Variants in AGBL4 observed in about 807,000 individuals in gnomAD.
AGBL4 encodes AGBL carboxypeptidase 4.
In AGBL4, 58 loss-of-function variants were observed where a neutral mutation model predicts 66.4. The observed-to-expected ratio is 0.87, with a 90% CI of 0.71 to 1.09. AGBL4 has a LOEUF of 1.09. AGBL4 is among the 50% of genes least tolerant of loss of function. The probability of loss-of-function intolerance (pLI) is 0.00; values close to 1 mark genes in which losing one functional copy is unlikely to be tolerated. For synonymous variants in AGBL4, 234 were observed against 222.9 expected (o/e 1.05, Z -0.44); for missense variants, 579 against 631.0 (o/e 0.92, Z 0.88).
At chr1:49,637,569 A>G (rs1449494835) in intron 3 of AGBL4, among the ~76,000 whole-genome samples, 1 of 152,100 alleles carries the variant, frequency 6.6e-6, no homozygotes, top group East Asian at 1.9e-4. Context: ...TCCCAAAGTG[A>G]TAGGATTACA....
At chr1:49,310,823 A>T (rs138087768) in intron 3 of AGBL4, among the ~76,000 whole-genome samples, 118 of 152,164 alleles carry the variant, frequency 7.8e-4, no homozygotes, top group African/African-American at 2.8e-3. Context: ...AAACTCAAAA[A>T]AGTACGTCTG....
chr1:48,882,739 T>C (rs1030425770), intron 5 of AGBL4, among the ~76,000 whole-genome samples: 2 of 152,144 alleles, frequency 1.3e-5, no homozygotes, highest in Non-Finnish European at 2.9e-5. Context: ...TAACTGAAAA[T>C]TTGTACCCTA....
chr1:49,537,333 A>C (rs981684302), intron 3 of AGBL4, among the ~76,000 whole-genome samples: 4 of 152,326 alleles, frequency 2.6e-5, no homozygotes, highest in Admixed American at 2.6e-4. Context: ...TCAGCAAAAG[A>C]AATAACAGAG....
At chr1:48,988,196 G>A (rs1027535882) in intron 5 of AGBL4, among the ~76,000 whole-genome samples, 1 of 151,958 alleles carries the variant, frequency 6.6e-6, no homozygotes, top group Non-Finnish European at 1.5e-5. Flanking sequence ...TGAGCCACTC[G>A]AGAACAGGGA....
chr1:49,310,763 T>C (rs977709350), intron 3 of AGBL4, among the ~76,000 whole-genome samples: 2 of 152,030 alleles, frequency 1.3e-5, no homozygotes, highest in Non-Finnish European at 2.9e-5. Context: ...GAAGTTAGAT[T>C]ATATTTACTG....
rs906213731 is a variant in AGBL4, at chr1:50,023,779, C to G, written c.18G>C (p.Gln6His). 25 of 1,549,500 alleles carry G rather than the reference C, an allele frequency of 1.6e-5. No individual in the cohort carries two copies. The African/African-American group carries it at 2.9e-4, about 18-fold the overall frequency. The change falls in exon 1 of 14, where the codon CAG becomes CAC. Residue 6 changes from glutamine to histidine, a missense_variant. Physicochemically the swap from Gln to His is conservative, Grantham distance 24 (BLOSUM62 0). Coordinates refer to ENST00000371839, the MANE Select transcript of AGBL4 (RefSeq NM_032785.4). ...CCCACAGACCTGCCTCAGGCGCCGA[C>G]TGGCTCCCCTCCGCCATTTTTGTTG... is the stretch of plus-strand genomic sequence containing the variant. The part of the protein sequence containing the change: MAEGS[Q>H]SAPEAGNDMG...
intron 3 of AGBL4, among the ~76,000 whole-genome samples, chr1:49,492,507 A>G (rs1192085369): frequency 6.6e-6 from 1 of 152,008 alleles, no homozygotes; most frequent in Non-Finnish European, 1.5e-5. Context: ...ATTGCTTTCT[A>G]ATCAAAACAG....
intron 3 of AGBL4, among the ~76,000 whole-genome samples, chr1:49,485,306 AGGAACATGGATGAAGCT>A (rs1218976332): frequency 6.6e-6 from 1 of 151,924 alleles, no homozygotes; most frequent in African/African-American, 2.4e-5. Flanking sequence ...TGTCCTTTGT[AGGAACATGGATGAAGCT>A]GGAAATCATC....
intron 4 of AGBL4, among the ~76,000 whole-genome samples, chr1:49,212,385 A>G (rs1365581962): frequency 2.0e-5 from 3 of 152,150 alleles, no homozygotes; most frequent in South Asian, 2.1e-4. Flanking sequence ...ATAAGTGGCC[A>G]TTGAATAAGC....
chr1:49,990,507 G>A (rs1028330564), intron 1 of AGBL4, among the ~76,000 whole-genome samples: 5 of 152,158 alleles, frequency 3.3e-5, no homozygotes, highest in Admixed American at 6.5e-5. Context: ...TCCTCAGCCA[G>A]GCAAAACTGT....
chr1:49,561,312 C>A (rs1372667027), intron 3 of AGBL4, among the ~76,000 whole-genome samples: 1 of 150,352 alleles, frequency 6.7e-6, no homozygotes, highest in Non-Finnish European at 1.5e-5. Context: ...TATACTTTAA[C>A]CTTTATTATA....
intron 2 of AGBL4, among the ~76,000 whole-genome samples, chr1:49,774,250 A>G (rs1644139848): frequency 6.6e-6 from 1 of 152,202 alleles, no homozygotes. Context: ...AGGGACCACT[A>G]AAAGTCTCCA....
At chr1:49,340,488 ATTT>A (rs1645517800) in intron 3 of AGBL4, among the ~76,000 whole-genome samples, 1 of 152,294 alleles carries the variant, frequency 6.6e-6, no homozygotes, top group East Asian at 1.9e-4. Context: ...CCATTGTACT[ATTT>A]ATTTTCACTA....
chr1:48,598,101 C>T (rs531942055), intron 9 of AGBL4, among the ~76,000 whole-genome samples: 2 of 152,310 alleles, frequency 1.3e-5, no homozygotes, highest in Admixed American at 6.5e-5. Context: ...TAAGCCTGGA[C>T]AGGTTTGCAG....
chr1:49,370,370 C>T (rs1342994302), intron 3 of AGBL4, among the ~76,000 whole-genome samples: 2 of 151,966 alleles, frequency 1.3e-5, no homozygotes, highest in African/African-American at 4.8e-5. Context: ...ATACATCAGG[C>T]AGACCAGCAG....
At chr1:49,629,326 T>C (rs1050877628) in intron 3 of AGBL4, among the ~76,000 whole-genome samples, 6 of 152,172 alleles carry the variant, frequency 3.9e-5, no homozygotes, top group Non-Finnish European at 7.4e-5. Flanking sequence ...ACCTAAACCA[T>C]TCCCCCAACA....
intron 3 of AGBL4, among the ~76,000 whole-genome samples, chr1:49,416,781 C>T (rs1570665233): frequency 6.6e-6 from 1 of 151,798 alleles, no homozygotes; most frequent in African/African-American, 2.4e-5. Flanking sequence ...AAAAGTATGG[C>T]CTGGAATTGA....
At chr1:49,085,082 T>C (rs1644880320) in intron 4 of AGBL4, among the ~76,000 whole-genome samples, 1 of 152,018 alleles carries the variant, frequency 6.6e-6, no homozygotes, top group Admixed American at 6.6e-5. Context: ...TTTGAATTGG[T>C]AGACTGAGTA....
intron 4 of AGBL4, among the ~76,000 whole-genome samples, chr1:49,115,553 A>G (rs1038154119): frequency 2.0e-5 from 3 of 152,160 alleles, no homozygotes; most frequent in African/African-American, 7.2e-5. Context: ...TGGTCAATAA[A>G]TATATACGTG....
Sources: gnomAD v4.1 joint callset for allele counts (sites outside exome capture counted in the v4.1 genomes callset) on GRCh38, gnomAD v4.1.1 for gene constraint, MANE v1.5 for transcripts, NCBI Gene and HGNC (gene_info 2026-07-23, HGNC 2026-07-21) for gene names.